The following ZBTB20 variants were observed in gnomAD, a reference collection of about 807,000 sequenced individuals.
ZBTB20 encodes zinc finger and BTB domain containing 20.
In ZBTB20, 9 loss-of-function variants were observed where a neutral mutation model predicts 56.9. The ratio of observed to expected loss-of-function variants is 0.16; its 90% CI spans 0.10 to 0.28. ZBTB20 has a LOEUF of 0.28. ZBTB20 is among the 10% of genes least tolerant of loss of function. ZBTB20 has a pLI of 1.00. For missense variants in ZBTB20, 655 were observed against 1,003.0 expected, an observed-to-expected ratio of 0.65 and a Z score of 4.69; for synonymous variants, 417 against 420.7, an observed-to-expected ratio of 0.99 and a Z score of 0.11.
intron 4 of ZBTB20, among the ~76,000 whole-genome samples, chr3:114,821,735 AC>A (rs1398475410): frequency 6.6e-6 from 1 of 152,060 alleles, no homozygotes; most frequent in African/African-American, 2.4e-5. Context: ...CTGGCCAAAT[AC>A]CCAGGGTGAC....
At chr3:114,365,178 T>G (rs949929555) in intron 10 of ZBTB20, among the ~76,000 whole-genome samples, 1 of 152,178 alleles carries the variant, frequency 6.6e-6, no homozygotes, top group Non-Finnish European at 1.5e-5. Context: ...ATTCCAAAGC[T>G]GAGTATACAT....
intron 2 of ZBTB20, among the ~76,000 whole-genome samples, chr3:115,031,919 G>A (rs1219902460): frequency 6.6e-6 from 1 of 151,300 alleles, no homozygotes; most frequent in Admixed American, 6.6e-5. Context: ...CAAAAATTGG[G>A]GCATGCTATT....
intron 10 of ZBTB20, among the ~76,000 whole-genome samples, chr3:114,354,517 ACATCT>A (rs2081010466): frequency 6.6e-6 from 1 of 150,976 alleles, no homozygotes; most frequent in Non-Finnish European, 1.5e-5. Flanking sequence ...TTTACATGTA[ACATCT>A]CATTTATTCC....
chr3:114,450,249 C>G (rs2091521694), intron 7 of ZBTB20, among the ~76,000 whole-genome samples: 1 of 152,206 alleles, frequency 6.6e-6, no homozygotes, highest in Non-Finnish European at 1.5e-5. Context: ...AAGTCAGATA[C>G]AGCGCATGCT....
At chr3:114,861,107 T>C (rs1410818650) in intron 4 of ZBTB20, among the ~76,000 whole-genome samples, 1 of 152,188 alleles carries the variant, frequency 6.6e-6, no homozygotes, top group Non-Finnish European at 1.5e-5. Flanking sequence ...GGAATGCTCT[T>C]CCTCTAGGGT....
intron 6 of ZBTB20, among the ~76,000 whole-genome samples, chr3:114,575,321 C>A (rs1261398547): frequency 6.6e-6 from 1 of 152,098 alleles, no homozygotes; most frequent in East Asian, 1.9e-4. Context: ...TCTTATAAAT[C>A]AATCAAATGT....
intron 7 of ZBTB20, among the ~76,000 whole-genome samples, chr3:114,419,972 T>G (rs1225458351): frequency 6.6e-6 from 1 of 152,132 alleles, no homozygotes; most frequent in Admixed American, 6.6e-5. Context: ...TTAGTGACAG[T>G]TTTTACAGTA....
In ZBTB20 at chr3:114,391,931, G is replaced by C. The variant is rs907235064; in HGVS notation, c.-254-2826C>G. On this transcript the variant is annotated intron_variant, in intron 7 of 11. Coordinates refer to ENST00000675478, the MANE Select transcript of ZBTB20 (RefSeq NM_001348800.3). ...CAGATCATCAGTAATGACAAGACCAGAGAGAGGGAGGTTGGGGTGTGTAAC... is the reference window on the plus strand; with the variant it reads ...CAGATCATCAGTAATGACAAGACCACAGAGAGGGAGGTTGGGGTGTGTAAC... Among the ~76,000 whole-genome samples, 23 of 152,210 alleles carry C rather than the reference G, an allele frequency of 1.5e-4. 1 individual carries two copies. Among genetic ancestry groups the C allele is most frequent in the Non-Finnish European group, 4.4e-5 (3 of 68,026 alleles).
chr3:115,011,768 A>C (rs573381981), intron 2 of ZBTB20, among the ~76,000 whole-genome samples: 12 of 152,024 alleles, frequency 7.9e-5, no homozygotes, highest in African/African-American at 2.9e-4. Context: ...AGAACATTTT[A>C]ATACTGTAAC....
chr3:114,340,178 A>G (rs1449748510), intron 11 of ZBTB20, among the ~76,000 whole-genome samples: 1 of 152,010 alleles, frequency 6.6e-6, no homozygotes, highest in African/African-American at 2.4e-5. Context: ...AAATGATCCT[A>G]TTCAAATCTG....
At position 114,665,873 on chromosome 3, in the gene ZBTB20, A is replaced by T. The variant is rs185901125; in HGVS notation, c.-295+27655T>A. Among the ~76,000 whole-genome samples the T allele has an allele frequency of 9.8e-3, 1,492 of 152,092 alleles. 12 individuals carry two copies. The highest frequency in any genetic ancestry group is 0.017 in the Non-Finnish European group (1,123 of 67,944). ...CCATGGAAGCTTTCTAATAAGTCTAATTTTTCCCACGCTCTGAGTTTATAA... is the reference window on the plus strand; with the variant it reads ...CCATGGAAGCTTTCTAATAAGTCTATTTTTTCCCACGCTCTGAGTTTATAA... On this transcript the variant is annotated intron_variant, in intron 6 of 11. Transcript: ENST00000675478.
chr3:114,774,187 A>G (rs2069421709), intron 5 of ZBTB20, among the ~76,000 whole-genome samples: 1 of 152,230 alleles, frequency 6.6e-6, no homozygotes, highest in Admixed American at 6.5e-5. Context: ...CACGCTGCAC[A>G]TATTCTACTT....
intron 3 of ZBTB20, among the ~76,000 whole-genome samples, chr3:114,950,733 C>G (rs1338093459): frequency 6.6e-6 from 1 of 151,960 alleles, no homozygotes; most frequent in African/African-American, 2.4e-5. Flanking sequence ...GTGGCCACCA[C>G]AATTCATAAT....
intron 2 of ZBTB20, among the ~76,000 whole-genome samples, chr3:115,024,782 C>G (rs1159725209): frequency 6.6e-6 from 1 of 150,952 alleles, no homozygotes; most frequent in African/African-American, 2.4e-5. Flanking sequence ...CTTTTAGATG[C>G]CCTAACACTA....
chr3:115,079,392 T>TTATA (rs1249618496), intron 1 of ZBTB20, among the ~76,000 whole-genome samples: 1 of 151,746 alleles, frequency 6.6e-6, no homozygotes, highest in Non-Finnish European at 1.5e-5. Context: ...ATTTATTTAT[T>TTATA]TATTTATTTA....
At chr3:114,804,437 T>C (rs1024706057) in intron 4 of ZBTB20, among the ~76,000 whole-genome samples, 2 of 151,986 alleles carry the variant, frequency 1.3e-5, no homozygotes, top group Admixed American at 1.3e-4. Context: ...CTTCTCTTAT[T>C]GCTCTTCCAA....
At chr3:114,982,757 C>G (rs2108096560) in intron 2 of ZBTB20, among the ~76,000 whole-genome samples, 2 of 152,110 alleles carry the variant, frequency 1.3e-5, no homozygotes, top group Middle Eastern at 6.8e-3. Context: ...GTGTGCTGCA[C>G]CCAGTAACTC....
intron 3 of ZBTB20, among the ~76,000 whole-genome samples, chr3:114,934,598 C>G (rs1422186774): frequency 6.6e-6 from 1 of 152,010 alleles, no homozygotes; most frequent in African/African-American, 2.4e-5. Flanking sequence ...AAGCTGCAGG[C>G]AAGATTTATG....
chr3:114,924,594 A>G (rs967292576), intron 3 of ZBTB20, among the ~76,000 whole-genome samples: 2 of 152,202 alleles, frequency 1.3e-5, no homozygotes, highest in African/African-American at 4.8e-5. Flanking sequence ...AAAGGGTACA[A>G]CATTTCAGTT....
Sources: gnomAD v4.1 joint callset for allele counts (sites outside exome capture counted in the v4.1 genomes callset) on GRCh38, gnomAD v4.1.1 for gene constraint, MANE v1.5 for transcripts, NCBI Gene and HGNC (gene_info 2026-07-23, HGNC 2026-07-21) for gene names.